Variants in LIMS4 observed in about 807,000 individuals in gnomAD.
The protein encoded by LIMS4 is LIM zinc finger domain containing 4, also known as LIM and senescent cell antigen-like-containing domain protein 4.
chr2:110,368,810 C>A, the LIMS4 span, among the ~76,000 whole-genome samples: 1 of 141,564 alleles, frequency 7.1e-6, no homozygotes, highest in African/African-American at 2.8e-5. Context: ...GTGTTCTGAG[C>A]CATTTTTGGT....
At chr2:110,386,696 G>T in the LIMS4 span, 11 of 776,042 alleles carry the variant, frequency 1.4e-5, no homozygotes, top group Non-Finnish European at 2.3e-5. Context: ...CACAGGAATG[G>T]GCTGCCAAGG....
At chr2:110,395,631 T>C in the LIMS4 span, among the ~76,000 whole-genome samples, 3 of 18,504 alleles carry the variant, frequency 1.6e-4, no homozygotes, top group East Asian at 2.9e-3. Flanking sequence ...ATGACACTGC[T>C]GGGTGCACAT....
chr2:110,373,560 C>T, the LIMS4 span, among the ~76,000 whole-genome samples: 1 of 148,290 alleles, frequency 6.7e-6, no homozygotes, highest in African/African-American at 2.6e-5. Flanking sequence ...ATCACCAGTG[C>T]CCCATTGATC....
the LIMS4 span, among the ~76,000 whole-genome samples, chr2:110,373,675 T>C: frequency 6.6e-6 from 1 of 151,536 alleles, no homozygotes; most frequent in Non-Finnish European, 1.5e-5. Context: ...AGCAGTAGGA[T>C]GGGAGGCTAG....
chr2:110,367,112 T>C, the LIMS4 span, among the ~76,000 whole-genome samples: 2 of 151,004 alleles, frequency 1.3e-5, no homozygotes, highest in Non-Finnish European at 2.9e-5. Context: ...TGCTCAAGGA[T>C]AGAAAGAATC....
the LIMS4 span, among the ~76,000 whole-genome samples, chr2:110,418,383 A>G: frequency 0.011 from 45 of 3,986 alleles, no homozygotes; most frequent in East Asian, 0.11. Context: ...GCTTCAGCTC[A>G]CCCTCCATGG....
chr2:110,411,430 A>T, the LIMS4 span, among the ~76,000 whole-genome samples: 2 of 138,182 alleles, frequency 1.4e-5, no homozygotes, highest in Non-Finnish European at 3.0e-5. Context: ...CCTCAAAAAG[A>T]TCATACTTGA....
chr2:110,392,072 G>A, the LIMS4 span, among the ~76,000 whole-genome samples: 7,310 of 149,156 alleles, frequency 0.049, 101 homozygotes, highest in African/African-American at 0.13. Flanking sequence ...TTGACTTTGC[G>A]AAAATTCATC....
At chr2:110,390,901 C>T in the LIMS4 span, among the ~76,000 whole-genome samples, 2 of 152,420 alleles carry the variant, frequency 1.3e-5, no homozygotes, top group South Asian at 2.1e-4. Context: ...GGAGCAAGTG[C>T]TGTGTCGAAG....
At chr2:110,419,656 C>CAAAAAAA in the LIMS4 span, among the ~76,000 whole-genome samples, 7 of 8,114 alleles carry the variant, frequency 8.6e-4, no homozygotes, top group African/African-American at 1.2e-3. Context: ...ACAACAACAA[C>CAAAAAAA]AAAAAAAAAA....
At chr2:110,365,754 A>T in the LIMS4 span, among the ~76,000 whole-genome samples, 1 of 134,296 alleles carries the variant, frequency 7.4e-6, no homozygotes, top group African/African-American at 3.1e-5. Context: ...GTTTTTTTTA[A>T]AGACTAAATA....
downstream of LIMS4, among the ~76,000 whole-genome samples, chr2:110,442,924 C>A (rs1203599746): frequency 6.6e-6 from 1 of 152,230 alleles, no homozygotes; most frequent in African/African-American, 2.4e-5. Flanking sequence ...GTCTTGAACT[C>A]CTGATCTCAG....
chr2:110,395,595 A>G, the LIMS4 span, among the ~76,000 whole-genome samples: 11 of 9,082 alleles, frequency 1.2e-3, no homozygotes, highest in Middle Eastern at 0.014. Context: ...GGTGAGTCCC[A>G]CCCAGCTGGC....
At chr2:110,390,466 G>C in the LIMS4 span, among the ~76,000 whole-genome samples, 1 of 132,448 alleles carries the variant, frequency 7.6e-6, no homozygotes, top group African/African-American at 3.3e-5. Context: ...TGCCCCCTGG[G>C]ATGTGGGAGC....
the LIMS4 span, among the ~76,000 whole-genome samples, chr2:110,368,433 T>C: frequency 6.6e-6 from 1 of 151,596 alleles, no homozygotes; most frequent in South Asian, 2.1e-4. Flanking sequence ...ACTACTTATA[T>C]TTATTAATAT....
At chr2:110,361,167 T>A in the LIMS4 span, 1 of 873,152 alleles carries the variant, frequency 1.1e-6, no homozygotes. Flanking sequence ...GGGTCCTTGA[T>A]GCCATGCGTC....
At chr2:110,373,767 C>A in the LIMS4 span, among the ~76,000 whole-genome samples, 5 of 149,374 alleles carry the variant, frequency 3.3e-5, no homozygotes, top group Non-Finnish European at 7.3e-5. Context: ...CCCCGACTGG[C>A]CCCTGTGGTG....
chr2:110,382,065 C>CAAAAAAA, the LIMS4 span, among the ~76,000 whole-genome samples: 1 of 10,084 alleles, frequency 9.9e-5, no homozygotes, highest in African/African-American at 3.8e-4. Context: ...GACTCCGTCT[C>CAAAAAAA]AAAAAAAAAA....
chr2:110,394,184 TA>T, the LIMS4 span, among the ~76,000 whole-genome samples: 2 of 15,084 alleles, frequency 1.3e-4, no homozygotes, highest in African/African-American at 7.1e-4. Flanking sequence ...TTTTTATTTT[TA>T]TTTTTTTATA....
Sources: gnomAD v4.1 joint callset for allele counts (sites outside exome capture counted in the v4.1 genomes callset) on GRCh38, gnomAD v4.1.1 for gene constraint, MANE v1.5 for transcripts, NCBI Gene and HGNC (gene_info 2026-07-23, HGNC 2026-07-21) for gene names.